The following CPNE5 variants were observed in gnomAD, a reference collection of about 807,000 sequenced individuals.
The protein encoded by CPNE5 is copine-5.
A neutral mutation model predicts 81.1 loss-of-function variants in CPNE5; 42 were observed. The observed-to-expected ratio is 0.52, with a 90% CI of 0.40 to 0.67. The LOEUF (loss-of-function observed/expected upper bound fraction) is 0.67. Among genes scored for constraint, CPNE5 ranks in the 30% least tolerant of loss-of-function variants. CPNE5 has a pLI of 0.00. For synonymous variants in CPNE5, 313 were observed against 321.5 expected (o/e 0.97, Z 0.28); for missense variants, 612 against 815.5 (o/e 0.75, Z 3.04).
In CPNE5 at chr6:36,773,839, A is replaced by G. The variant is rs146159822; in HGVS notation, c.737+1122T>C. ...TGAAGATGATAGCCAACATGTAATA[A>G]GAGTAGGCATATGTTAAAACAAAAA... On this transcript the variant is annotated intron_variant, in intron 10 of 20. Coordinates refer to ENST00000244751, the MANE Select transcript of CPNE5 (RefSeq NM_020939.2). 8.7e-3 allele frequency among the ~76,000 whole-genome samples: 1,328 copies of G among 152,276 alleles called. 17 individuals are homozygous for G. The highest frequency in any genetic ancestry group is 0.03 in the African/African-American group (1,246 of 41,556).
chr6:36,767,703 C>T (rs7769970), intron 10 of CPNE5, among the ~76,000 whole-genome samples: 4 of 152,192 alleles, frequency 2.6e-5, no homozygotes, highest in African/African-American at 9.7e-5. Flanking sequence ...GACAGCCCTG[C>T]ATATCCACAA....
intron 13 of CPNE5, chr6:36,755,531 G>GTGT (rs1554195700): frequency 6.7e-4 from 95 of 140,980 alleles, no homozygotes; most frequent in South Asian, 1.6e-3. Context: ...GTGTGTGTGT[G>GTGT]TTTTTTTTTT....
At chr6:36,794,707 A>T in intron 6 of CPNE5, 58 bp from the exon 7 acceptor site, 1 of 1,498,042 alleles carries the variant, frequency 6.7e-7, no homozygotes. Flanking sequence ...CCACCCAGAC[A>T]GGCCAGCGCA....
At chr6:36,816,530 C>T (rs1350167866) in intron 3 of CPNE5, among the ~76,000 whole-genome samples, 1 of 152,182 alleles carries the variant, frequency 6.6e-6, no homozygotes. Context: ...TTCCCCTGAC[C>T]ACAGGATTAT....
intron 3 of CPNE5, among the ~76,000 whole-genome samples, chr6:36,803,767 A>C (rs904064200): frequency 6.6e-6 from 1 of 152,226 alleles, no homozygotes; most frequent in African/African-American, 2.4e-5. Context: ...CTTGTATGGC[A>C]GTCATGATTT....
intron 8 of CPNE5, among the ~76,000 whole-genome samples, chr6:36,785,828 C>T (rs1768480910): frequency 1.3e-5 from 2 of 152,094 alleles, no homozygotes; most frequent in African/African-American, 2.4e-5. Context: ...GCCTGGCCAA[C>T]ATGGTGAAAC....
Position 36,742,007 on chromosome 6 carries a change from A to T in CPNE5, c.*261T>A. 2.1e-6 allele frequency: 1 copy of T among 474,382 alleles called. No homozygotes were observed. Among genetic ancestry groups the T allele is most frequent in the Admixed American group, 3.6e-5 (1 of 27,744 alleles). The allele number at this position is 474,382 out of a possible 1,614,324, so 29.4% of individuals were successfully genotyped here. A position where few individuals can be genotyped will look rare whatever the true frequency, so the allele number is the denominator to read the frequency against. Reference sequence around the variant, plus strand: ...GTTTACACCTTCCTGGCTGGGTTAGAGCCAGGTATTGGGGAAGAAGAGAAG... The same window carrying T: ...GTTTACACCTTCCTGGCTGGGTTAGTGCCAGGTATTGGGGAAGAAGAGAAG... On this transcript the variant is annotated 3_prime_UTR_variant, in exon 21 of 21. Transcript: ENST00000244751.
At chr6:36,748,331 G>A in intron 14 of CPNE5, 64 bp from the exon 15 acceptor site, 1 of 1,466,680 alleles carries the variant, frequency 6.8e-7, no homozygotes, top group East Asian at 2.3e-5. Flanking sequence ...AGGGGGGACA[G>A]TGCTAGACAT....
At chr6:36,798,079 G>C (rs772765134) in intron 6 of CPNE5, 86 bp downstream of exon 6, 7 of 991,768 alleles carry the variant, frequency 7.1e-6, no homozygotes, top group Non-Finnish European at 1.1e-5. Flanking sequence ...ATAGCCAGCT[G>C]ACTGCTTTGT....
At chr6:36,777,555 C>T (rs1473629087) in intron 9 of CPNE5, among the ~76,000 whole-genome samples, 1 of 152,106 alleles carries the variant, frequency 6.6e-6, no homozygotes, top group African/African-American at 2.4e-5. Context: ...CCTTTTCCTC[C>T]CCAATATGAA....
chr6:36,792,078 T>G lies in CPNE5; in HGVS notation c.483A>C (p.Lys161Asn). 6.2e-7 allele frequency: 1 copy of G among 1,614,010 alleles called. No individual in the cohort carries two copies. Among genetic ancestry groups the G allele is most frequent in the East Asian group, 2.2e-5 (1 of 44,874 alleles). ...CAGCGGACAGGATGATGGTGCCACA[T>G]TTCTTTCCTGGGACACCACTGGGAG... is the stretch of plus-strand genomic sequence containing the variant. The part of the protein sequence containing the change: ...AVSNGGVPGK[K>N]CGTIILSAEE... Residue 161 changes from lysine (K) to asparagine (N), a missense_variant, in exon 8 of 21, where the codon AAA becomes AAC. Lys to Asn is a moderately conservative substitution (Grantham distance 94). Transcript: ENST00000244751.
chr6:36,801,189 G>C (rs1770071899), intron 3 of CPNE5, among the ~76,000 whole-genome samples: 1 of 152,152 alleles, frequency 6.6e-6, no homozygotes. Flanking sequence ...GTCAATAATT[G>C]AATCCCATTC....
intron 8 of CPNE5, among the ~76,000 whole-genome samples, chr6:36,783,378 T>TAAAA (rs36056853): frequency 4.2e-5 from 5 of 118,468 alleles, no homozygotes; most frequent in South Asian, 2.7e-4. Context: ...GCAGTAAAAG[T>TAAAA]AAAAAAAAAA....
chr6:36,776,758 C>T (rs1767543666), intron 9 of CPNE5, among the ~76,000 whole-genome samples: 1 of 152,198 alleles, frequency 6.6e-6, no homozygotes, highest in African/African-American at 2.4e-5. Flanking sequence ...TCAGGTACAG[C>T]TCCAGGGGCA....
rs769631745 is a variant in CPNE5, at chr6:36,746,429, G to A, written c.1167C>T (p.Pro389=). 9.9e-6 allele frequency: 16 copies of A among 1,612,860 alleles called. No individual in the cohort carries two copies. In the African/African-American group the frequency reaches 1.6e-4, roughly 16 times the overall value. ...FPALGFGAKL[P]PDGRVSHEFP... ...ACTCGTGGGACACTCTGCCATCCGG[G>A]GGCAGCTTGGCCCCGAAGCCCAGGG... Residue 389 remains proline (P), a synonymous_variant, in exon 16 of 21, where the codon CCC becomes CCT. Coordinates refer to ENST00000244751, the MANE Select transcript of CPNE5 (RefSeq NM_020939.2). This position sits in a 1 kb window ranked among gnomAD's most constrained non-coding sequence, Gnocchi z 4.5.
intron 18 of CPNE5, chr6:36,744,553 G>T (rs953717189): frequency 1.9e-5 from 11 of 585,740 alleles, no homozygotes; most frequent in Non-Finnish European, 3.0e-5. Context: ...GGGTGGCAGG[G>T]GGAATGGGTC....
intron 3 of CPNE5, among the ~76,000 whole-genome samples, chr6:36,811,669 C>A (rs2080715860): frequency 6.6e-6 from 1 of 152,184 alleles, no homozygotes; most frequent in African/African-American, 2.4e-5. Context: ...CTCCTTTCTT[C>A]AAATGAAATC....
At chr6:36,744,428 A>C in intron 18 of CPNE5, 103 bp from the exon 19 acceptor site, 2 of 856,378 alleles carry the variant, frequency 2.3e-6, no homozygotes, top group Non-Finnish European at 3.9e-6. Context: ...GGCAGGAAAG[A>C]AATGGGAGAG....
intron 1 of CPNE5, 116 bp from the exon 2 acceptor site, chr6:36,823,214 C>T: frequency 1.3e-6 from 1 of 769,954 alleles, no homozygotes; most frequent in Non-Finnish European, 2.0e-6. Flanking sequence ...TCAGGCAAAA[C>T]AGTTCCACAA....
Sources: gnomAD v4.1 joint callset for allele counts (sites outside exome capture counted in the v4.1 genomes callset) on GRCh38, gnomAD v4.1.1 for gene constraint, Gnocchi (gnomAD v3.1) non-coding constraint, MANE v1.5 for transcripts, NCBI Gene and HGNC (gene_info 2026-07-23, HGNC 2026-07-21) for gene names.